Variants in ASH1L observed in about 807,000 individuals in gnomAD.
The protein encoded by ASH1L is ASH1 like histone lysine methyltransferase.
A neutral mutation model predicts 269.0 loss-of-function variants in ASH1L; 23 were observed. The observed-to-expected ratio is 0.09, with a 90% CI of 0.06 to 0.12. The LOEUF is 0.12. ASH1L is among the 10% of genes least tolerant of loss of function. The pLI is 1.00. For missense variants in ASH1L, 2,912 were observed against 3,567.8 expected (o/e 0.82, Z 4.68); for synonymous variants, 1,187 against 1,253.5 (o/e 0.95, Z 1.12).
intron 5 of ASH1L, among the ~76,000 whole-genome samples, chr1:155,424,556 C>T (rs1274500219): frequency 1.3e-5 from 2 of 151,862 alleles, no homozygotes; most frequent in East Asian, 1.9e-4. Context: ...TACGGGCATG[C>T]GCCACTACGC....
At position 155,562,721 on chromosome 1, in the gene ASH1L, T is replaced by A. The variant is rs1558230434; in HGVS notation, c.-668A>T. On this transcript the variant is annotated 5_prime_UTR_variant, in exon 1 of 28. Transcript: ENST00000392403. ...CACCCACAGGAACCCCCTCGTCCAG[T>A]CCCTCACTACCCCTCAGGCCCTGTC... is the stretch of plus-strand genomic sequence containing the variant. 8 of 1,396,260 alleles carry A rather than the reference T, an allele frequency of 5.7e-6. No individual in the cohort carries two copies. Among genetic ancestry groups the A allele is most frequent in the Non-Finnish European group, 7.8e-6 (8 of 1,027,214 alleles). 86.5% of individuals were successfully genotyped at this position (1,396,260 alleles called of 1,614,324 possible). A position where few individuals can be genotyped will look rare whatever the true frequency, so the allele number is the denominator to read the frequency against.
At position 155,480,662 on chromosome 1, in the gene ASH1L, T is replaced by A; in HGVS notation, c.2208A>T (p.Leu736Phe). The part of the protein sequence containing the change: ...STCRSPKGLE[L>F]ERSELFKNVS... ...CGTTTTTAAAAAGCTCTGATCTTTCTAATTCTAGCCCTTTTGGAGACCGGC... is the reference window on the plus strand; with the variant it reads ...CGTTTTTAAAAAGCTCTGATCTTTCAAATTCTAGCCCTTTTGGAGACCGGC... Residue 736 changes from leucine to phenylalanine, a missense_variant, in exon 3 of 28, where the codon TTA becomes TTT. Around this residue, in one of 13 missense-constraint regions of ASH1L, gnomAD observed 715 missense variants for 721.0 expected, o/e 0.99. Transcript: ENST00000392403. The A allele has an allele frequency of 6.2e-7, 1 of 1,614,064 alleles. No homozygotes were observed. Among genetic ancestry groups the A allele is most frequent in the Non-Finnish European group, 8.5e-7 (1 of 1,179,982 alleles).
At chr1:155,370,680 A>G in intron 11 of ASH1L, 30 bp from the exon 12 acceptor site, 2 of 1,612,392 alleles carry the variant, frequency 1.2e-6, no homozygotes. Context: ...TTGAAAGACA[A>G]TTAAAGAGTA....
At position 155,378,292 on chromosome 1, in the gene ASH1L, G is replaced by A. The variant is rs1220447674; in HGVS notation, c.6321C>T (p.Asp2107=). The A allele has an allele frequency of 6.2e-7, 1 of 1,613,824 alleles. No individual in the cohort carries two copies. Among genetic ancestry groups the A allele is most frequent in the Non-Finnish European group, 8.5e-7 (1 of 1,179,698 alleles). ...AAGCATGACAGTACCTATTGAGGCA[G>A]TCATCAACACAGCCCTTCCTGGTGT... ...DDDTRKGCVD[D]CLNRMIFAEC... is the part of the protein sequence containing the mutation. Residue 2107 remains aspartate, a synonymous_variant, in exon 10 of 28, where the codon GAC becomes GAT. Transcript: ENST00000392403.
intron 20 of ASH1L, 46 bp from the exon 21 acceptor site, chr1:155,346,515 T>C (rs764808233): frequency 1.4e-5 from 22 of 1,537,260 alleles, no homozygotes; most frequent in Non-Finnish European, 1.9e-5. Context: ...CTATGACTTA[T>C]TGAGAGTGTC....
intron 7 of ASH1L, among the ~76,000 whole-genome samples, chr1:155,394,951 T>G (rs543392905): frequency 6.6e-6 from 1 of 152,210 alleles, no homozygotes; most frequent in African/African-American, 2.4e-5. Context: ...TAATTTTTTT[T>G]AGAGACAGGA....
chr1:155,443,556 C>A (rs975268596), intron 4 of ASH1L, among the ~76,000 whole-genome samples: 3 of 152,164 alleles, frequency 2.0e-5, no homozygotes. Context: ...ATTTCTGTCA[C>A]CCTAAAAAGT....
At chr1:155,445,925 G>A (rs1476702765) in intron 4 of ASH1L, among the ~76,000 whole-genome samples, 1 of 150,864 alleles carries the variant, frequency 6.6e-6, no homozygotes, top group Non-Finnish European at 1.5e-5. Context: ...AAGGGACAAG[G>A]TCTCACTGTT....
chr1:155,539,804 G>A (rs1319100672), intron 1 of ASH1L, among the ~76,000 whole-genome samples: 1 of 151,854 alleles, frequency 6.6e-6, no homozygotes, highest in Non-Finnish European at 1.5e-5. Flanking sequence ...GGCCAAGGCA[G>A]GAAGATCGCT....
intron 2 of ASH1L, 121 bp downstream of exon 2, chr1:155,520,979 C>T: frequency 8.8e-7 from 1 of 1,132,350 alleles, no homozygotes; most frequent in Admixed American, 2.4e-5. Flanking sequence ...CTCACAAAAA[C>T]AAACTATCTG....
rs538665587 is a variant in ASH1L, at chr1:155,350,782, G to A, written c.7367-1186C>T. ...CTATAAATAAAAAAATTAGCCGGGC[G>A]TGGTGGCATGCACCTGTAGTCCCAG... On this transcript the variant is annotated intron_variant, in intron 17 of 27. Coordinates refer to ENST00000392403, the MANE Select transcript of ASH1L (RefSeq NM_018489.3). Among the ~76,000 whole-genome samples, 16 of 151,898 alleles carry A rather than the reference G, an allele frequency of 1.1e-4. No individual in the cohort carries two copies. The South Asian group carries it at 1.7e-3, about 16-fold the overall frequency.
chr1:155,497,175 C>T (rs1392997167), intron 2 of ASH1L, among the ~76,000 whole-genome samples: 2 of 152,078 alleles, frequency 1.3e-5, no homozygotes, highest in East Asian at 1.9e-4. Flanking sequence ...CTTAAACTTG[C>T]AGACACCCAG....
chr1:155,342,135 T>A lies in ASH1L; in HGVS notation c.8294-33A>T, dbSNP rs373428840. ...TCCAACCAGTGTTAAGGAATCCTAT[T>A]TAGCCATTTCTCCCCCTGAGCTGCC... On this transcript the variant is annotated intron_variant, in intron 24 of 27. Coordinates refer to ENST00000392403, the MANE Select transcript of ASH1L (RefSeq NM_018489.3). The A allele has an allele frequency of 1.9e-6, 3 of 1,606,970 alleles. No homozygotes were observed. The African/African-American group carries it at 4.0e-5, about 21-fold the overall frequency.
At chr1:155,420,092 CG>C (rs1216688298) in intron 5 of ASH1L, among the ~76,000 whole-genome samples, 1 of 151,822 alleles carries the variant, frequency 6.6e-6, no homozygotes, top group African/African-American at 2.4e-5. Context: ...ATGAGGCGGG[CG>C]GACCACCTAA....
rs187854762 is a variant in ASH1L, at chr1:155,476,955, T to C, written c.4984+931A>G. ...CATAATACCCCTACAAATCCCATTA[T>C]ATAGGAGGTTTAGAGAATATACTGA... On this transcript the variant is annotated intron_variant, in intron 3 of 27. Coordinates refer to ENST00000392403, the MANE Select transcript of ASH1L (RefSeq NM_018489.3). 3.4e-4 allele frequency among the ~76,000 whole-genome samples: 52 copies of C among 152,268 alleles called. 1 individual carries two copies. In the South Asian group the frequency reaches 8.9e-3, roughly 26 times the overall value.
chr1:155,560,293 T>C (rs1326050273), intron 1 of ASH1L, among the ~76,000 whole-genome samples: 1 of 152,188 alleles, frequency 6.6e-6, no homozygotes. Flanking sequence ...CTCAAAAGGA[T>C]AAGTGACCCC....
intron 3 of ASH1L, among the ~76,000 whole-genome samples, chr1:155,470,820 G>A (rs996763491): frequency 5.9e-5 from 9 of 151,912 alleles, no homozygotes; most frequent in African/African-American, 1.2e-4. Context: ...CCAAAGTGCT[G>A]GAATTACAGC....
At chr1:155,366,059 G>T (rs981272245) in intron 12 of ASH1L, among the ~76,000 whole-genome samples, 2 of 152,164 alleles carry the variant, frequency 1.3e-5, no homozygotes, top group African/African-American at 4.8e-5. Context: ...GATCTGCTGG[G>T]TTGCATTCCC....
At chr1:155,435,352 C>A (rs1338025559) in intron 5 of ASH1L, among the ~76,000 whole-genome samples, 1 of 152,036 alleles carries the variant, frequency 6.6e-6, no homozygotes, top group Non-Finnish European at 1.5e-5. Flanking sequence ...AGTGTAATTA[C>A]ATAAATTATG....
Sources: allele counts gnomAD v4.1 joint callset (sites outside exome capture counted in the v4.1 genomes callset), GRCh38; gene constraint gnomAD v4.1.1; regional missense constraint gnomAD v4.1.1; transcripts MANE v1.5; gene names NCBI Gene and HGNC (gene_info 2026-07-23, HGNC 2026-07-21).